The following PPP1R13L variants were observed in gnomAD, a reference collection of about 807,000 sequenced individuals.
PPP1R13L encodes the protein relA-associated inhibitor.
PPP1R13L carries 50 observed loss-of-function variants against 80.9 expected under a neutral mutation model. That is an observed-to-expected ratio of 0.62 (90% CI 0.49 to 0.78). The LOEUF is 0.78. PPP1R13L is among the 30% of genes least tolerant of loss of function. PPP1R13L has a pLI of 0.00. For synonymous variants in PPP1R13L, 602 were observed against 534.3 expected, an observed-to-expected ratio of 1.13 and a Z score of -1.75; for missense variants, 1,200 against 1,205.9, an observed-to-expected ratio of 1.00 and a Z score of 0.07.
rs187804666 is a variant in PPP1R13L, at chr19:45,387,979, G to A, written c.1816-1799C>T. Among the ~76,000 whole-genome samples the A allele has an allele frequency of 2.4e-3, 372 of 152,150 alleles. 1 individual carries two copies. Among genetic ancestry groups the A allele is most frequent in the African/African-American group, 8.7e-3 (361 of 41,524 alleles). Reference sequence around the variant, plus strand: ...CAGGCAGGAGTTCAAGACCAGCCTGGCCAACGTGGTGAAACCCTGTCTCTA... The same window carrying A: ...CAGGCAGGAGTTCAAGACCAGCCTGACCAACGTGGTGAAACCCTGTCTCTA... On this transcript the variant is annotated intron_variant, in intron 8 of 12. Transcript: ENST00000360957.
chr19:45,383,746 CCT>C (rs1286481612), intron 11 of PPP1R13L, among the ~76,000 whole-genome samples: 9 of 151,862 alleles, frequency 5.9e-5, no homozygotes, highest in Admixed American at 5.9e-4. Context: ...GGCTCATCTG[CCT>C]CTTTCTTTTC....
In PPP1R13L at chr19:45,382,598, G is replaced by GCCC; in HGVS notation, c.2374_2376dup (p.Gly792dup). 6.2e-7 allele frequency: 1 copy of GCCC among 1,613,622 alleles called. No individual in the cohort carries two copies. Among genetic ancestry groups the GCCC allele is most frequent in the Non-Finnish European group, 8.5e-7 (1 of 1,179,986 alleles). On this transcript the variant is annotated inframe_insertion, in exon 12 of 13. Coordinates refer to ENST00000360957, the MANE Select transcript of PPP1R13L (RefSeq NM_006663.4). ...GCCCACCACCAGTCGGTCTCCTCCG[G>GCCC]CCCGTCCCTCCGCAGCACGGTGACC...
Position 45,391,961 on chromosome 19 carries a change from C to T in PPP1R13L, c.1734G>A (p.Gly578=), listed in dbSNP as rs1972981896. 2 of 1,513,716 alleles carry T rather than the reference C, an allele frequency of 1.3e-6. No homozygotes were observed. The highest frequency in any genetic ancestry group is 2.3e-5 in the Admixed American group (1 of 43,384). The allele number at this position is 1,513,716 out of a possible 1,614,324, so 93.8% of individuals were successfully genotyped here. A position where few individuals can be genotyped will look rare whatever the true frequency, so the allele number is the denominator to read the frequency against. The change falls in exon 8 of 13, where the codon GGG becomes GGA. Residue 578 remains glycine (G), a synonymous_variant. Coordinates refer to ENST00000360957, the MANE Select transcript of PPP1R13L (RefSeq NM_006663.4). ...PITEGSEARA[G]PPAPAPPAPI... ...GAGCTGGTGGGGCAGGAGCAGGGGG[C>T]CCTGCCCTGGCCTCAGATCCCTCAG...
At chr19:45,398,644 G>A (rs1262876189) in intron 1 of PPP1R13L, among the ~76,000 whole-genome samples, 1 of 146,200 alleles carries the variant, frequency 6.8e-6, no homozygotes, top group Non-Finnish European at 1.5e-5. Context: ...TCGCCCAGGC[G>A]GGAGTGCAAT....
chr19:45,397,057 G>T lies in PPP1R13L; in HGVS notation c.200C>A (p.Pro67Gln). The change falls in exon 4 of 13, where the codon CCG becomes CAG. Residue 67 changes from proline to glutamine, a missense_variant and splice_region_variant. By Grantham distance (76) the Pro-to-Gln change is moderately conservative. This residue lies in a region of PPP1R13L where 764 missense variants were observed against 714.5 expected (regional missense o/e 1.07). Coordinates refer to ENST00000360957, the MANE Select transcript of PPP1R13L (RefSeq NM_006663.4). ...GATCGAGCTGGAGCTGTACCGGGGCGGCTGTGGGGAGGCCAGGGCATTGAG... is the reference window on the plus strand; with the variant it reads ...GATCGAGCTGGAGCTGTACCGGGGCTGCTGTGGGGAGGCCAGGGCATTGAG... ...PGPQAGPPSRPPRYSSSSIPE... is the reference protein window; with the variant it reads ...PGPQAGPPSRQPRYSSSSIPE... 1 of 1,310,856 alleles carries T rather than the reference G, an allele frequency of 7.6e-7. No individual in the cohort carries two copies. Among genetic ancestry groups the T allele is most frequent in the Non-Finnish European group, 9.7e-7 (1 of 1,030,550 alleles). The allele number at this position is 1,310,856 out of a possible 1,614,324, so 81.2% of individuals were successfully genotyped here. A position where few individuals can be genotyped will look rare whatever the true frequency, so the allele number is the denominator to read the frequency against.
chr19:45,401,350 G>A (rs1181163487), intron 1 of PPP1R13L, among the ~76,000 whole-genome samples: 3 of 97,768 alleles, frequency 3.1e-5, no homozygotes, highest in Non-Finnish European at 3.6e-5. Flanking sequence ...GCGAGACTCC[G>A]TCCCAAAAAA....
intron 1 of PPP1R13L, 72 bp from the exon 2 acceptor site, chr19:45,398,411 C>T (rs965015990): frequency 4.8e-6 from 7 of 1,451,758 alleles, no homozygotes; most frequent in South Asian, 1.2e-5. Flanking sequence ...GAGTCAGACG[C>T]CGTCAGGAGC....
upstream of PPP1R13L, among the ~76,000 whole-genome samples, chr19:45,405,883 T>A (rs932246116): frequency 6.6e-5 from 10 of 152,156 alleles, no homozygotes; most frequent in African/African-American, 2.4e-4. Context: ...CAAATCTGTG[T>A]CCACGTGCCG....
intron 11 of PPP1R13L, 103 bp downstream of exon 11, chr19:45,385,459 G>T: frequency 7.5e-7 from 1 of 1,326,410 alleles, no homozygotes; most frequent in Non-Finnish European, 1.0e-6. Flanking sequence ...CAAGTGGTTG[G>T]TACAGCCCCC....
Position 45,385,623 on chromosome 19 carries a change from G to C in PPP1R13L, c.2187C>G (p.Thr729=). The change falls in exon 11 of 13, where the codon ACC becomes ACG. Residue 729 remains threonine (T), a synonymous_variant. Coordinates refer to ENST00000360957, the MANE Select transcript of PPP1R13L (RefSeq NM_006663.4). Reference sequence around the variant, plus strand: ...GGTAAGGGTCGCACTTCTCGAAGGCGGTGGCGCCGTCGCTGAGCGTGGTGG... The same window carrying C: ...GGTAAGGGTCGCACTTCTCGAAGGCCGTGGCGCCGTCGCTGAGCGTGGTGG... ...IFATTLSDGA[T]AFEKCDPYRE... is the part of the protein sequence containing the mutation. 1 of 1,613,158 alleles carries C rather than the reference G, an allele frequency of 6.2e-7. No homozygotes were observed. The highest frequency in any genetic ancestry group is 8.5e-7 in the Non-Finnish European group (1 of 1,179,888).
rs1459924027 is a variant in PPP1R13L, at chr19:45,397,066, GA to G, written c.199-9del. On this transcript the variant is annotated splice_polypyrimidine_tract_variant and intron_variant, in intron 3 of 12. Coordinates refer to ENST00000360957, the MANE Select transcript of PPP1R13L (RefSeq NM_006663.4). ...GGAGCTGTACCGGGGCGGCTGTGGG[GA>G]GGCCAGGGCATTGAGGGATGGATCA... 1.5e-6 allele frequency: 2 copies of G among 1,305,394 alleles called. No individual in the cohort carries two copies. The highest frequency in any genetic ancestry group is 8.0e-5 in the Admixed American group (2 of 24,858). 80.9% of individuals were successfully genotyped at this position (1,305,394 alleles called of 1,614,324 possible). A position where few individuals can be genotyped will look rare whatever the true frequency, so the allele number is the denominator to read the frequency against.
intron 3 of PPP1R13L, 32 bp downstream of exon 3, chr19:45,397,973 G>A: frequency 2.5e-6 from 4 of 1,590,870 alleles, no homozygotes; most frequent in Non-Finnish European, 3.4e-6. Flanking sequence ...CGAGAGGCTG[G>A]CTTTGGAGAT....
chr19:45,391,015 T>C (rs1444096240), intron 8 of PPP1R13L, among the ~76,000 whole-genome samples: 1 of 151,960 alleles, frequency 6.6e-6, no homozygotes, highest in African/African-American at 2.4e-5. Flanking sequence ...CTGGCCAGCA[T>C]GGTGAAACCT....
At position 45,396,641 on chromosome 19, in the gene PPP1R13L, G is replaced by C; in HGVS notation, c.616C>G (p.Pro206Ala). 1 of 1,472,566 alleles carries C rather than the reference G, an allele frequency of 6.8e-7. No homozygotes were observed. Among genetic ancestry groups the C allele is most frequent in the Non-Finnish European group, 8.9e-7 (1 of 1,122,172 alleles). The allele number at this position is 1,472,566 out of a possible 1,614,324, so 91.2% of individuals were successfully genotyped here. ...FFPERGPSPR[P>A]PATAYDAPAS... ...GGCGCGTCGTAGGCTGTGGCAGGGGGGCGCGGTGACGGCCCACGCTCGGGG... is the reference window on the plus strand; with the variant it reads ...GGCGCGTCGTAGGCTGTGGCAGGGGCGCGCGGTGACGGCCCACGCTCGGGG... Residue 206 changes from proline (P) to alanine (A), a missense_variant, in exon 4 of 13, where the codon CCC becomes GCC. Coordinates refer to ENST00000360957, the MANE Select transcript of PPP1R13L (RefSeq NM_006663.4). The surrounding 1 kb of genome is among the most constrained non-coding windows in gnomAD (Gnocchi z 5.3).
chr19:45,398,911 T>C (rs950792630), intron 1 of PPP1R13L, among the ~76,000 whole-genome samples: 1 of 151,986 alleles, frequency 6.6e-6, no homozygotes, highest in African/African-American at 2.4e-5. Context: ...TTACTGAATG[T>C]TTACTAGGGA....
rs1973101912 is a variant in PPP1R13L, at chr19:45,396,622, TC to T, written c.634del (p.Asp212ThrfsTer12). On this transcript the variant is annotated frameshift_variant, in exon 4 of 13. Coordinates refer to ENST00000360957, the MANE Select transcript of PPP1R13L (RefSeq NM_006663.4). LOFTEE classifies it high-confidence loss of function. This position sits in a 1 kb window ranked among gnomAD's most constrained non-coding sequence, Gnocchi z 5.3. ...PSPRPPATAY[D>X]APASAFGSSL... ...GCTCCCGAAGGCGGACGCTGGCGCG[TC>T]GTAGGCTGTGGCAGGGGGGCGCGGT... 1 of 1,486,488 alleles carries T rather than the reference TC, an allele frequency of 6.7e-7. No homozygotes were observed. The highest frequency in any genetic ancestry group is 1.4e-5 in the South Asian group (1 of 73,500). The allele number at this position is 1,486,488 out of a possible 1,614,324, so 92.1% of individuals were successfully genotyped here.
chr19:45,385,775 G>A, intron 10 of PPP1R13L, 47 bp from the exon 11 acceptor site: 1 of 1,608,388 alleles, frequency 6.2e-7, no homozygotes, highest in Non-Finnish European at 8.5e-7. Context: ...GTGAGAGGCT[G>A]CGCGTCCGCC....
rs903168223 is a variant in PPP1R13L at position 45,395,545 on chromosome 19, CTGGGGCTGTGGTTGTGGT to C, written c.1227_1244del (p.Pro412_Gln417del). On this transcript the variant is annotated inframe_deletion, in exon 7 of 13. Transcript: ENST00000360957. ...GCTGGGGCTGTGGTTGTGATTGTGG[CTGGGGCTGTGGTTGTGGT>C]TGGGGCTGCAGCTTAGGCGGGGGTG... 27 of 1,487,832 alleles carry C rather than the reference CTGGGGCTGTGGTTGTGGT, an allele frequency of 1.8e-5. No homozygotes were observed. Among genetic ancestry groups the C allele is most frequent in the Non-Finnish European group, 2.2e-5 (25 of 1,119,546 alleles). 92.2% of individuals were successfully genotyped at this position (1,487,832 alleles called of 1,614,324 possible).
intron 8 of PPP1R13L, among the ~76,000 whole-genome samples, chr19:45,390,739 G>A (rs913062505): frequency 1.6e-4 from 24 of 152,202 alleles, no homozygotes; most frequent in Admixed American, 1.1e-3. Flanking sequence ...ACGCGCCACC[G>A]CTCCGGGCTA....
Sources: allele counts gnomAD v4.1 joint callset (sites outside exome capture counted in the v4.1 genomes callset), GRCh38; gene constraint gnomAD v4.1.1; regional missense constraint gnomAD v4.1.1; non-coding constraint Gnocchi (gnomAD v3.1); transcripts MANE v1.5; gene names NCBI Gene and HGNC (gene_info 2026-07-23, HGNC 2026-07-21).